The following APOL5 variants were observed in gnomAD, a reference collection of about 807,000 sequenced individuals.
The protein encoded by APOL5 is apolipoprotein L, 5.
A neutral mutation model predicts 35.5 loss-of-function variants in APOL5; 29 were observed. The ratio of observed to expected loss-of-function variants is 0.82; its 90% CI spans 0.61 to 1.11. The LOEUF is 1.11. APOL5 is among the 50% of genes most tolerant of loss of function. APOL5 has a pLI of 0.00. For synonymous variants in APOL5, 188 were observed against 200.2 expected, an observed-to-expected ratio of 0.94 and a Z score of 0.51; for missense variants, 514 against 530.4, an observed-to-expected ratio of 0.97 and a Z score of 0.30.
intron 1 of APOL5, among the ~76,000 whole-genome samples, chr22:35,720,362 T>C (rs563185730): frequency 6.6e-6 from 1 of 152,386 alleles, no homozygotes; most frequent in South Asian, 2.1e-4. Context: ...CTAGTCAACC[T>C]TGGGCATTCC....
chr22:35,725,891 T>G lies in APOL5; in HGVS notation c.143-320T>G, dbSNP rs565340477. On this transcript the variant is annotated intron_variant, in intron 2 of 4. Coordinates refer to ENST00000249044, the MANE Select transcript of APOL5 (RefSeq NM_030642.1). ...TATAATTTCTAATCTTGTGGCCAGT[T>G]TTTTAGTCCTATAAAGGCAGTCTGG... Among the ~76,000 whole-genome samples the G allele has an allele frequency of 3.9e-5, 6 of 152,300 alleles. No individual in the cohort carries two copies. The South Asian group carries it at 1.2e-3, about 32-fold the overall frequency.
chr22:35,716,358 C>T (rs530420213), upstream of APOL5, among the ~76,000 whole-genome samples: 12 of 152,324 alleles, frequency 7.9e-5, no homozygotes, highest in East Asian at 5.8e-4. Flanking sequence ...CTGCAACCTC[C>T]GCCTCCCGGG....
intron 3 of APOL5, among the ~76,000 whole-genome samples, chr22:35,727,517 G>A (rs537130866): frequency 6.6e-6 from 1 of 152,294 alleles, no homozygotes; most frequent in South Asian, 2.1e-4. Context: ...GGCGGATAGG[G>A]GTCCAGGGAG....
At chr22:35,725,326 C>T (rs555118013) in intron 2 of APOL5, among the ~76,000 whole-genome samples, 6 of 152,152 alleles carry the variant, frequency 3.9e-5, no homozygotes, top group Admixed American at 6.5e-5. Context: ...AGTGCAGTGG[C>T]GCTATTTCGG....
chr22:35,725,059 T>TTCTG (rs755084303), intron 2 of APOL5, among the ~76,000 whole-genome samples: 2 of 152,100 alleles, frequency 1.3e-5, no homozygotes, highest in African/African-American at 4.8e-5. Context: ...AGAGTGGACC[T>TTCTG]TCTGTCTGTC....
intron 3 of APOL5, among the ~76,000 whole-genome samples, chr22:35,728,221 GTTTTTTA>G (rs1927240628): frequency 6.6e-6 from 1 of 152,060 alleles, no homozygotes; most frequent in Middle Eastern, 3.4e-3. Flanking sequence ...CCTTTTTTTT[GTTTTTTA>G]TTTTTTATTT....
upstream of APOL5, among the ~76,000 whole-genome samples, chr22:35,717,634 G>A (rs1411966040): frequency 1.3e-5 from 2 of 150,778 alleles, no homozygotes; most frequent in Admixed American, 6.6e-5. Flanking sequence ...CAGCTACTCA[G>A]AAGGCTGAGG....
chr22:35,718,709 G>C (rs993612189), intron 1 of APOL5, among the ~76,000 whole-genome samples: 4 of 151,114 alleles, frequency 2.6e-5, no homozygotes, highest in African/African-American at 9.7e-5. Flanking sequence ...AAAAATAATA[G>C]TTATAACAAC....
upstream of APOL5, among the ~76,000 whole-genome samples, chr22:35,717,480 C>T (rs1926792667): frequency 6.7e-6 from 1 of 150,324 alleles, no homozygotes; most frequent in African/African-American, 2.4e-5. Context: ...TGGCTCACGC[C>T]TGTAATCCCA....
At chr22:35,725,441 G>C (rs914975539) in intron 2 of APOL5, among the ~76,000 whole-genome samples, 3 of 152,132 alleles carry the variant, frequency 2.0e-5, no homozygotes, top group Non-Finnish European at 2.9e-5. Flanking sequence ...TTTTAGTAGA[G>C]ATGGGGTTTC....
intron 4 of APOL5, 99 bp from the exon 5 acceptor site, chr22:35,729,255 C>T (rs1927283226): frequency 5.1e-6 from 1 of 195,180 alleles, no homozygotes; most frequent in Non-Finnish European, 1.0e-5. Flanking sequence ...TCGCCCAGCC[C>T]TGTAATATGT....
At position 35,720,747 on chromosome 22, in the gene APOL5, G is replaced by GGTTTT. The variant is rs59436568; in HGVS notation, c.142+105_142+109dup. 0.019 allele frequency: 18,435 copies of GGTTTT among 952,622 alleles called. 2,466 individuals are homozygous for GGTTTT. In the African/African-American group the frequency reaches 0.28, roughly 14 times the overall value. 59.0% of individuals were successfully genotyped at this position (952,622 alleles called of 1,614,324 possible). On this transcript the variant is annotated intron_variant, in intron 2 of 4. Transcript: ENST00000249044. ...AGACCCAGCACTCAATGAGTATTTG[G>GGTTTT]GTTTTGTTTTGTTTTGAGACAGAGT... is the stretch of plus-strand genomic sequence containing the variant.
At chr22:35,712,505 A>G in the APOL5 span, among the ~76,000 whole-genome samples, 1 of 152,166 alleles carries the variant, frequency 6.6e-6, no homozygotes, top group Non-Finnish European at 1.5e-5. Context: ...GGCATAAGCC[A>G]CCGTACCTAA....
intron 1 of APOL5, among the ~76,000 whole-genome samples, chr22:35,718,931 C>A (rs1926859919): frequency 6.6e-6 from 1 of 151,788 alleles, no homozygotes; most frequent in South Asian, 2.1e-4. Flanking sequence ...TGGTGGTGCG[C>A]ACCTATAATT....
chr22:35,713,628 A>T (rs560438954), upstream of APOL5, among the ~76,000 whole-genome samples: 1 of 152,090 alleles, frequency 6.6e-6, no homozygotes, highest in Non-Finnish European at 1.5e-5. Context: ...CTTCTTTAGG[A>T]GGGGAAGCTG....
the APOL5 span, among the ~76,000 whole-genome samples, chr22:35,708,862 G>A: frequency 0.025 from 3,797 of 152,234 alleles, 157 homozygotes; most frequent in African/African-American, 0.087. Context: ...ACCCATATAG[G>A]AACAAAACGT....
chr22:35,722,606 T>C (rs1927010401), intron 2 of APOL5, among the ~76,000 whole-genome samples: 1 of 152,124 alleles, frequency 6.6e-6, no homozygotes, highest in Admixed American at 6.5e-5. Flanking sequence ...CGGCCCTAGG[T>C]TCTTACCCTA....
At chr22:35,729,220 T>G in intron 4 of APOL5, 134 bp from the exon 5 acceptor site, 1 of 251,298 alleles carries the variant, frequency 4.0e-6, no homozygotes, top group Non-Finnish European at 7.5e-6. Context: ...AGAAAAGTAC[T>G]AGGTGTGCAA....
upstream of APOL5, among the ~76,000 whole-genome samples, chr22:35,714,804 A>G (rs564136143): frequency 1.2e-4 from 18 of 152,340 alleles, no homozygotes; most frequent in African/African-American, 4.3e-4. Flanking sequence ...AGCTCCTTGC[A>G]TCTGTGTGTG....
Sources: allele counts gnomAD v4.1 joint callset (sites outside exome capture counted in the v4.1 genomes callset), GRCh38; gene constraint gnomAD v4.1.1; transcripts MANE v1.5; gene names NCBI Gene and HGNC (gene_info 2026-07-23, HGNC 2026-07-21).